Variants in CHLSN observed in about 807,000 individuals in gnomAD.
CHLSN encodes the protein cholesin.
the CHLSN span, among the ~76,000 whole-genome samples, chr7:1,004,993 C>T: frequency 1.3e-5 from 2 of 152,078 alleles, no homozygotes; most frequent in African/African-American, 4.8e-5. Flanking sequence ...GCCTACTGGG[C>T]TTTAAAAAAA....
At chr7:1,083,387 G>A in the CHLSN span, among the ~76,000 whole-genome samples, 1 of 152,312 alleles carries the variant, frequency 6.6e-6, no homozygotes, top group East Asian at 1.9e-4. Flanking sequence ...CACTTTGGGA[G>A]GGTGAGGCGG....
chr7:997,585 G>A, the CHLSN span: 1 of 1,466,938 alleles, frequency 6.8e-7, no homozygotes, highest in East Asian at 2.7e-5. Flanking sequence ...GTCTGAGGCA[G>A]CCCTGCACTG....
At chr7:1,014,772 G>A in the CHLSN span, among the ~76,000 whole-genome samples, 1 of 152,262 alleles carries the variant, frequency 6.6e-6, no homozygotes, top group East Asian at 1.9e-4. Context: ...GCCCTGAGAA[G>A]GGGGCCACAT....
At chr7:1,051,075 C>T in the CHLSN span, among the ~76,000 whole-genome samples, 54 of 152,286 alleles carry the variant, frequency 3.5e-4, no homozygotes, top group Middle Eastern at 3.4e-3. Flanking sequence ...GCCACCCCTG[C>T]GTCGCAGAGG....
the CHLSN span, among the ~76,000 whole-genome samples, chr7:1,002,740 T>C: frequency 1.6e-5 from 1 of 60,924 alleles, no homozygotes. Context: ...TGGAATCCTG[T>C]GGGTGGGGAG....
the CHLSN span, among the ~76,000 whole-genome samples, chr7:1,068,998 C>G: frequency 1.3e-5 from 2 of 152,196 alleles, no homozygotes; most frequent in Non-Finnish European, 2.9e-5. Context: ...CTGGGTGTGC[C>G]TGCCCACCAG....
chr7:999,074 A>C, the CHLSN span, among the ~76,000 whole-genome samples: 4 of 152,122 alleles, frequency 2.6e-5, no homozygotes, highest in Admixed American at 6.5e-5. Flanking sequence ...GTGTAAGATA[A>C]CTTTGCGTGT....
the CHLSN span, among the ~76,000 whole-genome samples, chr7:1,135,948 AAT>A: frequency 1.5e-4 from 15 of 102,642 alleles, no homozygotes; most frequent in East Asian, 2.8e-3. Flanking sequence ...AGTATATATA[AAT>A]ATATATAAAT....
chr7:1,020,068 G>A, the CHLSN span, among the ~76,000 whole-genome samples: 5 of 152,224 alleles, frequency 3.3e-5, no homozygotes, highest in African/African-American at 9.6e-5. Context: ...TCCCACTGAG[G>A]AGAGATCCAA....
chr7:989,858 C>T, the CHLSN span, among the ~76,000 whole-genome samples: 5 of 142,430 alleles, frequency 3.5e-5, no homozygotes, highest in Non-Finnish European at 4.6e-5. Context: ...GACAGTGGCA[C>T]GTGTGCTGGG....
At chr7:1,105,372 C>T in the CHLSN span, among the ~76,000 whole-genome samples, 2 of 152,190 alleles carry the variant, frequency 1.3e-5, no homozygotes, top group African/African-American at 2.4e-5. Context: ...TTCTGGAGCC[C>T]GAGGGTGACG....
At chr7:1,016,915 C>T in the CHLSN span, among the ~76,000 whole-genome samples, 12 of 92,500 alleles carry the variant, frequency 1.3e-4, no homozygotes, top group Admixed American at 2.2e-4. Context: ...CACGCCAGCG[C>T]ACAGCAGCAC....
the CHLSN span, among the ~76,000 whole-genome samples, chr7:1,067,171 ACCCAGAGG>A: frequency 8.5e-6 from 1 of 117,274 alleles, no homozygotes; most frequent in African/African-American, 3.4e-5. Flanking sequence ...GCTGGAGTGC[ACCCAGAGG>A]TGAGGGTTTG....
At chr7:1,123,122 T>G in the CHLSN span, among the ~76,000 whole-genome samples, 2 of 151,660 alleles carry the variant, frequency 1.3e-5, no homozygotes, top group Non-Finnish European at 2.9e-5. The surrounding 1 kb of genome is among the most constrained non-coding windows in gnomAD (Gnocchi z 4.4). Context: ...CGGCCAAACC[T>G]CACCAACGCC....
At chr7:1,014,809 G>C in the CHLSN span, among the ~76,000 whole-genome samples, 1 of 148,438 alleles carries the variant, frequency 6.7e-6, no homozygotes, top group Non-Finnish European at 1.5e-5. Context: ...CAGCGATCCG[G>C]CCACGGCAGC....
chr7:1,099,139 C>A, the CHLSN span, among the ~76,000 whole-genome samples: 1 of 138,456 alleles, frequency 7.2e-6, no homozygotes, highest in African/African-American at 2.7e-5. Context: ...AGCCGGCCTC[C>A]CCTTCCGGAG....
At chr7:1,016,738 CCAGCGCACAG>C in the CHLSN span, among the ~76,000 whole-genome samples, 1 of 103,944 alleles carries the variant, frequency 9.6e-6, no homozygotes. Flanking sequence ...GCAGCACACG[CCAGCGCACAG>C]CAGCACACGC....
chr7:1,121,391 T>C, the CHLSN span, among the ~76,000 whole-genome samples: 1 of 152,092 alleles, frequency 6.6e-6, no homozygotes, highest in Non-Finnish European at 1.5e-5. Flanking sequence ...TGACACACAA[T>C]CCCACTGCCA....
the CHLSN span, chr7:988,304 T>C: frequency 6.2e-7 from 1 of 1,604,408 alleles, no homozygotes; most frequent in Admixed American, 1.7e-5. Flanking sequence ...CCTGCTGACC[T>C]CGGTGCTCCT....
Sources: allele counts gnomAD v4.1 joint callset (sites outside exome capture counted in the v4.1 genomes callset), GRCh38; gene constraint gnomAD v4.1.1; non-coding constraint Gnocchi (gnomAD v3.1); transcripts MANE v1.5; gene names NCBI Gene and HGNC (gene_info 2026-07-23, HGNC 2026-07-21).